The following ZNF14 variants were observed in gnomAD, a reference collection of about 807,000 sequenced individuals.
ZNF14 encodes the protein gonadotropin inducible transcription repressor-4.
Under a neutral mutation model 11.3 loss-of-function variants are expected in ZNF14, and 9 were observed. The ratio of observed to expected loss-of-function variants is 0.80; its 90% confidence interval spans 0.48 to 1.39. The LOEUF (loss-of-function observed/expected upper bound fraction) is 1.39, where lower values mean the gene tolerates loss of function less well. Among genes scored for constraint, ZNF14 ranks in the 40% most tolerant of loss-of-function variants. The pLI, the probability that ZNF14 is intolerant of heterozygous loss-of-function variation, is 0.00. For missense variants in ZNF14, 711 were observed against 763.9 expected (o/e 0.93, Z 0.82); for synonymous variants, 239 against 245.7 (o/e 0.97, Z 0.25).
In ZNF14 at chr19:19,724,391, T is replaced by C. The variant is rs1247702519; in HGVS notation, c.3+8565A>G. On this transcript the variant is annotated intron_variant, in intron 1 of 3. Transcript: ENST00000344099. The stretch of plus-strand genomic sequence containing the variant: ...TTCAGTTTCGATGCAGTTGAGTGGT[T>C]TTGAGTTAGTTTCTTAATCCTGAGT... Among the ~76,000 whole-genome samples, 2 of 134,142 alleles carry C rather than the reference T, an allele frequency of 1.5e-5. 1 individual carries two copies. Among genetic ancestry groups the C allele is most frequent in the East Asian group, 4.2e-4 (2 of 4,808 alleles). The allele number at this position is 134,142 out of a possible 152,430, so 88.0% of individuals were successfully genotyped here.
At position 19,724,753 on chromosome 19, in the gene ZNF14, A is replaced by G. The variant is rs2062402165; in HGVS notation, c.3+8203T>C. ...AGGTCTCTAAGGGCTTGCTTTATGA[A>G]TCTGGGTGCTCCTGTATTGGGTGCA... is the stretch of plus-strand genomic sequence containing the variant. On this transcript the variant is annotated intron_variant, in intron 1 of 3. Transcript: ENST00000344099. Among the ~76,000 whole-genome samples the G allele has an allele frequency of 1.5e-5, 2 of 133,008 alleles. 1 individual carries two copies. The highest frequency in any genetic ancestry group is 3.3e-5 in the Non-Finnish European group (2 of 59,908). 87.3% of individuals were successfully genotyped at this position (133,008 alleles called of 152,430 possible).
intron 1 of ZNF14, among the ~76,000 whole-genome samples, chr19:19,718,975 A>G (rs1349749313): frequency 1.3e-5 from 2 of 152,168 alleles, no homozygotes; most frequent in Non-Finnish European, 2.9e-5. Flanking sequence ...CATGTTGGCC[A>G]GGTGGGTGTC....
chr19:19,716,649 C>G (rs960694136), intron 1 of ZNF14, among the ~76,000 whole-genome samples: 22 of 152,236 alleles, frequency 1.4e-4, no homozygotes, highest in Admixed American at 1.2e-3. Context: ...TCAGAGACTT[C>G]CAATTTCTGG....
At position 19,711,083 on chromosome 19, in the gene ZNF14, A is replaced by G. The variant is rs2062357816; in HGVS notation, c.*269T>C. ...TGAGCCAACAAGCTTGGCCTTTTTT[A>G]AAAAAACAAAAAACAAAAAACAAAA... On this transcript the variant is annotated 3_prime_UTR_variant, in exon 4 of 4. Transcript: ENST00000344099. 5.5e-6 allele frequency: 2 copies of G among 361,580 alleles called. No individual in the cohort carries two copies. Among genetic ancestry groups the G allele is most frequent in the Non-Finnish European group, 9.7e-6 (2 of 205,304 alleles). 22.4% of individuals were successfully genotyped at this position (361,580 alleles called of 1,614,324 possible).
In ZNF14 at chr19:19,716,234, C is replaced by T. The variant is rs565356205; in HGVS notation, c.4-1747G>A. ...AGGGTGACCCAGGCTTTCTTCCTAC[C>T]ACATCTGGATGTAGGGTACATAGTA... is the stretch of plus-strand genomic sequence containing the variant. On this transcript the variant is annotated intron_variant, in intron 1 of 3. Transcript: ENST00000344099. Among the ~76,000 whole-genome samples, 9 of 152,244 alleles carry T rather than the reference C, an allele frequency of 5.9e-5. No individual in the cohort carries two copies. The East Asian group carries it at 1.5e-3, about 26-fold the overall frequency.
In ZNF14 at chr19:19,733,041, G is replaced by C. The variant is rs570062454; in HGVS notation, c.-83C>G. On this transcript the variant is annotated 5_prime_UTR_variant, in exon 1 of 4. Transcript: ENST00000344099. The stretch of plus-strand genomic sequence containing the variant: ...TCACGGCGCGACAAAGGATGCGCTA[G>C]AGCCACCTTCGGCCTTCAGGAGCAG... 560 of 1,565,418 alleles carry C rather than the reference G, an allele frequency of 3.6e-4. 7 individuals carry two copies. In the South Asian group the frequency reaches 5.9e-3, roughly 17 times the overall value.
intron 1 of ZNF14, among the ~76,000 whole-genome samples, chr19:19,726,787 G>A (rs933337204): frequency 2.3e-5 from 3 of 132,838 alleles, no homozygotes; most frequent in Admixed American, 1.5e-4. Context: ...CAGCAATGAC[G>A]GACGCCCCTT....
Position 19,712,422 on chromosome 19 carries a change from C to T in ZNF14, c.859G>A (p.Ala287Thr). The T allele has an allele frequency of 6.2e-7, 1 of 1,610,968 alleles. No individual in the cohort carries two copies. The highest frequency in any genetic ancestry group is 1.3e-5 in the African/African-American group (1 of 74,662). ...CGAAAAGAACTGAGAAAACTGAAGG[C>T]TTTACCACATTCTTTACATTTGTAG... is the stretch of plus-strand genomic sequence containing the variant. ...KPYKCKECGKAFSFLSSFRRH... is the reference protein window; with the variant it reads ...KPYKCKECGKTFSFLSSFRRH... Residue 287 changes from alanine to threonine, a missense_variant, in exon 4 of 4, where the codon GCC becomes ACC. By Grantham distance (58) the Ala-to-Thr change is moderately conservative (BLOSUM62 0). Coordinates refer to ENST00000344099, the MANE Select transcript of ZNF14 (RefSeq NM_021030.3).
In ZNF14 at chr19:19,727,610, A is replaced by G. The variant is rs1327908651; in HGVS notation, c.3+5346T>C. 4.5e-5 allele frequency among the ~76,000 whole-genome samples: 6 copies of G among 133,678 alleles called. 1 individual carries two copies. The highest frequency in any genetic ancestry group is 1.0e-4 in the Non-Finnish European group (6 of 60,240). The allele number at this position is 133,678 out of a possible 152,430, so 87.7% of individuals were successfully genotyped here. A position where few individuals can be genotyped will look rare whatever the true frequency, so the allele number is the denominator to read the frequency against. Reference sequence around the variant, plus strand: ...TCACACGATTACCAGAACACACTCCACATGTACTTGATGAAAATATATTCT... The same window carrying G: ...TCACACGATTACCAGAACACACTCCGCATGTACTTGATGAAAATATATTCT... On this transcript the variant is annotated intron_variant, in intron 1 of 3. Coordinates refer to ENST00000344099, the MANE Select transcript of ZNF14 (RefSeq NM_021030.3).
At chr19:19,721,163 AG>A (rs907821935) in intron 1 of ZNF14, among the ~76,000 whole-genome samples, 2 of 151,994 alleles carry the variant, frequency 1.3e-5, no homozygotes, top group African/African-American at 4.8e-5. Context: ...TCACCATGTT[AG>A]TCAGGCTGGT....
chr19:19,730,642 G>C (rs2062420651), intron 1 of ZNF14, among the ~76,000 whole-genome samples: 1 of 152,234 alleles, frequency 6.6e-6, no homozygotes, highest in African/African-American at 2.4e-5. Context: ...GCCGGGCGCA[G>C]TGGCTCATGC....
rs185424494 is a variant in ZNF14, at chr19:19,714,244, T to C, written c.131-93A>G. On this transcript the variant is annotated intron_variant, in intron 2 of 3. Transcript: ENST00000344099. ...TTCATGATTAGCTGTGACTGTCTGATTCAATCACTGAAAGATTCCCTTTCC... is the reference window on the plus strand; with the variant it reads ...TTCATGATTAGCTGTGACTGTCTGACTCAATCACTGAAAGATTCCCTTTCC... 275 of 1,583,488 alleles carry C rather than the reference T, an allele frequency of 1.7e-4. 2 individuals are homozygous for C. The Admixed American group carries it at 4.8e-3, about 28-fold the overall frequency.
chr19:19,712,464 G>C lies in ZNF14; in HGVS notation c.817C>G (p.His273Asp), dbSNP rs375234002. The change falls in exon 4 of 4, where the codon CAC becomes GAC. Residue 273 changes from histidine (H) to aspartate (D), a missense_variant. His to Asp is a moderately conservative substitution (Grantham distance 81). Transcript: ENST00000344099. ...CATTTGTAGGGTTTTTCTCCAGTGT[G>C]AGTTCTTTCATGAGTTCGAAAGTAT... ...PTYFRTHERT[H>D]TGEKPYKCKE... The C allele has an allele frequency of 4.9e-5, 77 of 1,559,362 alleles. No homozygotes were observed. Among genetic ancestry groups the C allele is most frequent in the Non-Finnish European group, 6.5e-5 (74 of 1,142,752 alleles).
At chr19:19,723,951 A>G in intron 1 of ZNF14, among the ~76,000 whole-genome samples, 1 of 132,316 alleles carries the variant, frequency 7.6e-6, no homozygotes, top group South Asian at 2.4e-4. Flanking sequence ...TTTTTATTGC[A>G]TCTATTTGAT....
At position 19,711,933 on chromosome 19, in the gene ZNF14, T is replaced by A; in HGVS notation, c.1348A>T (p.Lys450Ter). The change falls in exon 4 of 4, where the codon AAA becomes TAA. Residue 450 changes from lysine to a stop codon, truncating the protein, a stop_gained. Coordinates refer to ENST00000344099, the MANE Select transcript of ZNF14 (RefSeq NM_021030.3). LOFTEE classifies it low-confidence loss of function (END_TRUNC). ...THNAEKPYECKQCGKAFRCSS... is the reference protein window; with the variant it reads ...THNAEKPYEC ...CACCTGAAGGCTTTCCCACACTGTT[T>A]ACATTCATAGGGTTTCTCTGCATTG... 1.2e-6 allele frequency: 2 copies of A among 1,614,120 alleles called. No individual in the cohort carries two copies.
intron 1 of ZNF14, among the ~76,000 whole-genome samples, chr19:19,731,244 G>A (rs247778): frequency 0.2 from 29,681 of 152,014 alleles, 3,688 homozygotes; most frequent in East Asian, 0.27. Context: ...ACCCAAACTA[G>A]ATATGGTACC....
Position 19,712,494 on chromosome 19 carries a change from G to C in ZNF14, c.787C>G (p.Pro263Ala). Residue 263 changes from proline (P) to alanine (A), a missense_variant, in exon 4 of 4, where the codon CCC becomes GCC. Pro to Ala is a conservative substitution (Grantham distance 27, BLOSUM62 -1). Transcript: ENST00000344099. The stretch of plus-strand genomic sequence containing the variant: ...CTTTCATGAGTTCGAAAGTATGTGG[G>C]ACAACTGAAAGCCTTACCACATTGC... ...CKQCGKAFSC[P>A]TYFRTHERTH... 1 of 1,557,782 alleles carries C rather than the reference G, an allele frequency of 6.4e-7. No homozygotes were observed. The highest frequency in any genetic ancestry group is 8.8e-7 in the Non-Finnish European group (1 of 1,141,828).
Position 19,728,780 on chromosome 19 carries a change from T to C in ZNF14, c.3+4176A>G, listed in dbSNP as rs1050739107. Among the ~76,000 whole-genome samples the C allele has an allele frequency of 6.9e-5, 8 of 116,514 alleles. 1 individual carries two copies. The highest frequency in any genetic ancestry group is 2.5e-4 in the Admixed American group (3 of 11,892). The allele number at this position is 116,514 out of a possible 152,430, so 76.4% of individuals were successfully genotyped here. On this transcript the variant is annotated intron_variant, in intron 1 of 3. Coordinates refer to ENST00000344099, the MANE Select transcript of ZNF14 (RefSeq NM_021030.3). ...AATACCAATGCCACTGGGATACCCA[T>C]TGGACTGTGATATATAATAGAAGAG...
At chr19:19,731,596 C>T (rs935737422) in intron 1 of ZNF14, among the ~76,000 whole-genome samples, 2 of 151,696 alleles carry the variant, frequency 1.3e-5, no homozygotes, top group Non-Finnish European at 2.9e-5. Context: ...AAAAAAACAA[C>T]AACAAAACTA....
Sources: allele counts gnomAD v4.1 joint callset (sites outside exome capture counted in the v4.1 genomes callset), GRCh38; gene constraint gnomAD v4.1.1; transcripts MANE v1.5; gene names NCBI Gene and HGNC (gene_info 2026-07-23, HGNC 2026-07-21).